The following ANKRD11 variants were observed in gnomAD, a reference collection of about 807,000 sequenced individuals.
The protein encoded by ANKRD11 is ankyrin repeat domain 11, also known as ankyrin repeat domain-containing protein 11.
In ANKRD11, 17 loss-of-function variants were observed where a neutral mutation model predicts 195.7. The ratio of observed to expected loss-of-function variants is 0.09; its 90% CI spans 0.06 to 0.13. The LOEUF (loss-of-function observed/expected upper bound fraction) is 0.13, where lower values mean the gene tolerates loss of function less well. ANKRD11 is among the 10% of genes least tolerant of loss of function. The pLI is 1.00. For missense variants in ANKRD11, 3,735 were observed against 3,566.1 expected (o/e 1.05, Z -1.21); for synonymous variants, 1,953 against 1,528.1 (o/e 1.28, Z -6.49).
At chr16:89,442,609 A>G (rs1424387526) in intron 1 of ANKRD11, among the ~76,000 whole-genome samples, 1 of 152,194 alleles carries the variant, frequency 6.6e-6, no homozygotes, top group African/African-American at 2.4e-5. Flanking sequence ...TACGCATCAA[A>G]GACTCATTTC....
chr16:89,283,900 A>T lies in ANKRD11; in HGVS notation c.2642T>A (p.Val881Glu), dbSNP rs1370193736. ...DSVAKLILET[V>E]KEDSKERRRD... ...CCTCCTCTCCTTGCTGTCCTCCTTC[A>T]CCGTCTCCAAGATGAGCTTGGCCAC... Residue 881 changes from valine to glutamate, a missense_variant, in exon 9 of 13, where the codon GTG becomes GAG. Val to Glu is a moderately radical substitution (Grantham distance 121, BLOSUM62 -2). Transcript: ENST00000301030. This position sits in a 1 kb window ranked among gnomAD's most constrained non-coding sequence, Gnocchi z 4.3. 1 of 1,613,856 alleles carries T rather than the reference A, an allele frequency of 6.2e-7. No individual in the cohort carries two copies. Among genetic ancestry groups the T allele is most frequent in the East Asian group, 2.2e-5 (1 of 44,858 alleles).
intron 1 of ANKRD11, among the ~76,000 whole-genome samples, chr16:89,440,845 C>T (rs1374250872): frequency 6.6e-6 from 1 of 152,226 alleles, no homozygotes; most frequent in African/African-American, 2.4e-5. Flanking sequence ...ACATCTGTGG[C>T]TGTGTGGCAA....
chr16:89,429,116 T>C (rs1308313553), intron 1 of ANKRD11, among the ~76,000 whole-genome samples: 1 of 151,098 alleles, frequency 6.6e-6, no homozygotes, highest in Non-Finnish European at 1.5e-5. Context: ...TCAGACGTTC[T>C]AGTACACAGC....
chr16:89,276,916 C>G, intron 9 of ANKRD11, among the ~76,000 whole-genome samples: 1 of 151,970 alleles, frequency 6.6e-6, no homozygotes, highest in East Asian at 1.9e-4. Context: ...ATTAGCCGGA[C>G]GTGGTGGTGG....
chr16:89,399,318 G>A (rs1405804817), intron 2 of ANKRD11, among the ~76,000 whole-genome samples: 2 of 152,086 alleles, frequency 1.3e-5, no homozygotes, highest in Admixed American at 6.5e-5. Context: ...TAAACACCCG[G>A]CGTCCATCCA....
At chr16:89,478,879 T>A (rs1365082029) in intron 1 of ANKRD11, among the ~76,000 whole-genome samples, 1 of 152,252 alleles carries the variant, frequency 6.6e-6, no homozygotes, top group Non-Finnish European at 1.5e-5. Context: ...AGGTTAAACA[T>A]GCCTGAACTG....
intron 2 of ANKRD11, among the ~76,000 whole-genome samples, chr16:89,376,836 G>A (rs1328113290): frequency 6.6e-6 from 1 of 152,178 alleles, no homozygotes; most frequent in Non-Finnish European, 1.5e-5. Context: ...GCGAGCACTG[G>A]GATAGAAGGC....
intron 1 of ANKRD11, among the ~76,000 whole-genome samples, chr16:89,485,082 G>A (rs1045160623): frequency 3.2e-4 from 14 of 43,800 alleles, no homozygotes; most frequent in African/African-American, 7.6e-4. Context: ...AACAGGATTC[G>A]GTCCTCTAGG....
At chr16:89,380,163 A>T (rs1008949969) in intron 2 of ANKRD11, among the ~76,000 whole-genome samples, 6 of 152,108 alleles carry the variant, frequency 3.9e-5, no homozygotes, top group African/African-American at 1.2e-4. Flanking sequence ...CCCAGGCTGG[A>T]GAGCGATGGC....
chr16:89,438,626 C>T (rs2043316603), intron 1 of ANKRD11, among the ~76,000 whole-genome samples: 2 of 152,178 alleles, frequency 1.3e-5, no homozygotes, highest in South Asian at 4.2e-4. Context: ...AGCCACCGTG[C>T]CCATCCAAGA....
At chr16:89,324,387 G>A in intron 2 of ANKRD11, 1 of 626,654 alleles carries the variant, frequency 1.6e-6, no homozygotes, top group Non-Finnish European at 2.6e-6. Context: ...TGGGCGCAAA[G>A]TTCTCAGCTT....
chr16:89,285,942 A>C lies in ANKRD11; in HGVS notation c.892+97T>G. The C allele has an allele frequency of 6.3e-7, 1 of 1,583,170 alleles. No individual in the cohort carries two copies. Among genetic ancestry groups the C allele is most frequent in the South Asian group, 1.1e-5 (1 of 90,136 alleles). ...TCCTGTAAGCCCCCAGCATCCGAGG[A>C]GGAGCTGATCAGAGGGGCAACACTG... On this transcript the variant is annotated intron_variant, in intron 8 of 12. Transcript: ENST00000301030. The surrounding 1 kb of genome is among the most constrained non-coding windows in gnomAD (Gnocchi z 5.6).
Position 89,284,473 on chromosome 16 carries a change from T to A in ANKRD11, c.2069A>T (p.Asp690Val). The A allele has an allele frequency of 6.2e-7, 1 of 1,614,174 alleles. No homozygotes were observed. Among genetic ancestry groups the A allele is most frequent in the Non-Finnish European group, 8.5e-7 (1 of 1,180,044 alleles). ...TENKLKVLKH[D>V]RDHFKKEEKL... Reference sequence around the variant, plus strand: ...CTCTTCTTTTTTAAAGTGGTCGCGATCGTGCTTTAACACTTTTAGCTTGTT... The same window carrying A: ...CTCTTCTTTTTTAAAGTGGTCGCGAACGTGCTTTAACACTTTTAGCTTGTT... The change falls in exon 9 of 13, where the codon GAT (aspartate) becomes GTT (valine). Residue 690 changes from aspartate (D) to valine (V), a missense_variant. Coordinates refer to ENST00000301030, the MANE Select transcript of ANKRD11 (RefSeq NM_013275.6).
chr16:89,462,044 C>G (rs1412814864), intron 1 of ANKRD11, among the ~76,000 whole-genome samples: 2 of 120,534 alleles, frequency 1.7e-5, no homozygotes, highest in Non-Finnish European at 3.6e-5. Context: ...CCCTCTCCCT[C>G]TCCCCCTCTC....
intron 2 of ANKRD11, among the ~76,000 whole-genome samples, chr16:89,335,074 A>G (rs1437390138): frequency 6.6e-6 from 1 of 152,152 alleles, no homozygotes; most frequent in African/African-American, 2.4e-5. Context: ...AAGAACAATA[A>G]AAAACGACTA....
intron 1 of ANKRD11, among the ~76,000 whole-genome samples, chr16:89,421,644 G>T (rs2042512394): frequency 9.2e-6 from 1 of 109,256 alleles, no homozygotes; most frequent in South Asian, 3.6e-4. Context: ...TGGGGGCGGG[G>T]GTGAGACACG....
chr16:89,323,257 G>A, intron 2 of ANKRD11: 6 of 1,263,572 alleles, frequency 4.7e-6, no homozygotes, highest in Non-Finnish European at 6.2e-6. Flanking sequence ...AAAAAGAGCT[G>A]CATACCTGGC....
At position 89,280,230 on chromosome 16, in the gene ANKRD11, G is replaced by A. The variant is rs777466601; in HGVS notation, c.6312C>T (p.Asp2104=). 40 of 1,608,012 alleles carry A rather than the reference G, an allele frequency of 2.5e-5. No homozygotes were observed. The highest frequency in any genetic ancestry group is 6.7e-5 in the Admixed American group (4 of 59,948). Residue 2104 remains aspartate, a synonymous_variant, in exon 9 of 13, where the codon GAC becomes GAT. Coordinates refer to ENST00000301030, the MANE Select transcript of ANKRD11 (RefSeq NM_013275.6). ...ALGPLENSFL[D]GSRGLSHLGQ... ...CGAGGTGAGACAGGCCGCGGCTGCC[G>A]TCCAGGAAGCTATTTTCCAGGGGCC...
At chr16:89,271,238 CTTTTT>C (rs11329471) in intron 11 of ANKRD11, 18 of 303,480 alleles carry the variant, frequency 5.9e-5, no homozygotes, top group Admixed American at 1.4e-4. Flanking sequence ...CTGGGAGAGA[CTTTTT>C]TTTTTTTTTT....
Sources: allele counts gnomAD v4.1 joint callset (sites outside exome capture counted in the v4.1 genomes callset), GRCh38; gene constraint gnomAD v4.1.1; non-coding constraint Gnocchi (gnomAD v3.1); transcripts MANE v1.5; gene names NCBI Gene and HGNC (gene_info 2026-07-23, HGNC 2026-07-21).